Variants in ZMYM4 observed in about 807,000 individuals in gnomAD.
The protein encoded by ZMYM4 is zinc finger MYM-type protein 4.
A neutral mutation model predicts 183.2 loss-of-function variants in ZMYM4; 31 were observed. The ratio of observed to expected loss-of-function variants is 0.17; its 90% CI spans 0.13 to 0.23. ZMYM4 has a LOEUF of 0.23. ZMYM4 is among the 10% of genes least tolerant of loss of function. The probability of loss-of-function intolerance (pLI) is 1.00; values close to 1 mark genes in which losing one functional copy is unlikely to be tolerated. For missense variants in ZMYM4, 1,273 were observed against 1,840.3 expected, an observed-to-expected ratio of 0.69 and a Z score of 5.64; for synonymous variants, 592 against 631.2, an observed-to-expected ratio of 0.94 and a Z score of 0.93.
intron 5 of ZMYM4, among the ~76,000 whole-genome samples, chr1:35,367,543 A>G (rs1272432679): frequency 4.6e-5 from 7 of 152,178 alleles, no homozygotes; most frequent in South Asian, 2.1e-4. Context: ...GTATCCTACA[A>G]TTAGTTTCGT....
intron 1 of ZMYM4, among the ~76,000 whole-genome samples, chr1:35,280,132 C>T (rs1313022055): frequency 6.8e-6 from 1 of 147,392 alleles, no homozygotes; most frequent in East Asian, 2.0e-4. Flanking sequence ...CTTTCTTTGT[C>T]TCTCTCTCTC....
At chr1:35,308,749 T>TA (rs750915444) in intron 1 of ZMYM4, among the ~76,000 whole-genome samples, 12 of 152,116 alleles carry the variant, frequency 7.9e-5, no homozygotes, top group Non-Finnish European at 1.8e-4. Context: ...TAGTCCCAGC[T>TA]ACTCAGGAGG....
At chr1:35,301,738 C>G (rs969772643) in intron 1 of ZMYM4, among the ~76,000 whole-genome samples, 6 of 152,148 alleles carry the variant, frequency 3.9e-5, no homozygotes, top group African/African-American at 1.4e-4. Context: ...CTCTGCAGAT[C>G]TCTGAACTTC....
At chr1:35,369,996 C>T in intron 5 of ZMYM4, 33 bp from the exon 6 acceptor site, 1 of 1,485,510 alleles carries the variant, frequency 6.7e-7, no homozygotes, top group Non-Finnish European at 9.3e-7. Flanking sequence ...ATTCTTTTCT[C>T]TATGTATTTA....
chr1:35,408,966 T>A (rs1264530770), intron 26 of ZMYM4, among the ~76,000 whole-genome samples: 1 of 152,190 alleles, frequency 6.6e-6, no homozygotes, highest in Non-Finnish European at 1.5e-5. Context: ...CTGGCAACCA[T>A]AAATCTGCTT....
At chr1:35,288,984 G>C (rs758229852) in intron 1 of ZMYM4, among the ~76,000 whole-genome samples, 3 of 152,148 alleles carry the variant, frequency 2.0e-5, no homozygotes, top group Non-Finnish European at 4.4e-5. Context: ...AAATATTTAG[G>C]ACATGTGTCA....
At chr1:35,370,709 G>C (rs1368886989) in intron 7 of ZMYM4, 82 bp downstream of exon 7, 1 of 492,532 alleles carries the variant, frequency 2.0e-6, no homozygotes. Context: ...TATTACATTT[G>C]ATATTCTACA....
intron 18 of ZMYM4, among the ~76,000 whole-genome samples, chr1:35,395,871 C>T (rs182241907): frequency 5.3e-5 from 8 of 152,292 alleles, no homozygotes; most frequent in Admixed American, 2.0e-4. Context: ...ATTGAACCAT[C>T]GTTAAGTTGG....
At chr1:35,406,449 G>C (rs1645004238) in intron 25 of ZMYM4, among the ~76,000 whole-genome samples, 1 of 152,086 alleles carries the variant, frequency 6.6e-6, no homozygotes, top group African/African-American at 2.4e-5. Flanking sequence ...AAGCCCAAGA[G>C]TTCTGAGGCT....
Position 35,271,790 on chromosome 1 carries a change from G to A in ZMYM4, c.39+2705G>A, listed in dbSNP as rs61776863. On this transcript the variant is annotated intron_variant, in intron 1 of 29. Coordinates refer to ENST00000314607, the MANE Select transcript of ZMYM4 (RefSeq NM_005095.3). ...TTATTTTGCCAGTTTCATCACAGAG[G>A]AAAATTACATTCATTGATTTTTGGA... Among the ~76,000 whole-genome samples the A allele has an allele frequency of 4.3e-3, 657 of 152,246 alleles. 3 individuals carry two copies. The highest frequency in any genetic ancestry group is 7.4e-3 in the Non-Finnish European group (503 of 68,020).
chr1:35,346,852 T>G (rs1643415417), intron 2 of ZMYM4, among the ~76,000 whole-genome samples: 1 of 152,158 alleles, frequency 6.6e-6, no homozygotes, highest in African/African-American at 2.4e-5. Flanking sequence ...ATAGTAAATA[T>G]TTAAGCTTTC....
chr1:35,292,259 A>G (rs1640797948), intron 1 of ZMYM4: 1 of 152,114 alleles, frequency 6.6e-6, no homozygotes, highest in Admixed American at 6.5e-5. Flanking sequence ...GCGCGACCCC[A>G]CTACTGATCA....
intron 2 of ZMYM4, among the ~76,000 whole-genome samples, chr1:35,332,536 A>T (rs1275519618): frequency 6.6e-6 from 1 of 151,970 alleles, no homozygotes; most frequent in African/African-American, 2.4e-5. Flanking sequence ...GCCTTGCCTA[A>T]CAGGACTCAA....
chr1:35,348,528 C>T (rs562622284), intron 2 of ZMYM4, among the ~76,000 whole-genome samples: 7 of 152,296 alleles, frequency 4.6e-5, no homozygotes, highest in South Asian at 2.1e-4. Context: ...GTTATTATCT[C>T]GTTCTCATGC....
In ZMYM4 at chr1:35,373,998, C is replaced by T. The variant is rs74849180; in HGVS notation, c.1181+3371C>T. Reference sequence around the variant, plus strand: ...TATCCTGTCTCTAATTTCTGTATTCCAGTATGTTCATCATGGGATTCTTTT... The same window carrying T: ...TATCCTGTCTCTAATTTCTGTATTCTAGTATGTTCATCATGGGATTCTTTT... On this transcript the variant is annotated intron_variant, in intron 7 of 29. Coordinates refer to ENST00000314607, the MANE Select transcript of ZMYM4 (RefSeq NM_005095.3). Among the ~76,000 whole-genome samples the T allele has an allele frequency of 2.2e-4, 32 of 147,528 alleles. 1 individual carries two copies. In the East Asian group the frequency reaches 5.3e-3, roughly 25 times the overall value.
Position 35,370,522 on chromosome 1 carries a change from G to T in ZMYM4, c.1076G>T (p.Gly359Val). 3 of 1,612,980 alleles carry T rather than the reference G, an allele frequency of 1.9e-6. No homozygotes were observed. Among genetic ancestry groups the T allele is most frequent in the Non-Finnish European group, 2.5e-6 (3 of 1,179,734 alleles). Residue 359 changes from glycine to valine, a missense_variant, in exon 7 of 30, where the codon GGG becomes GTG. Gly to Val is a moderately radical substitution (Grantham distance 109). Transcript: ENST00000314607. Reference protein sequence around the residue: ...QKGQTAYQRKGSTQLFCSTLC... With the variant: ...QKGQTAYQRKVSTQLFCSTLC... The stretch of plus-strand genomic sequence containing the variant: ...GGGCAAACTGCTTATCAGAGGAAAG[G>T]GTCTACTCAGCTATTCTGCTCCACA...
At chr1:35,393,179 T>C (rs748891746) in intron 17 of ZMYM4, among the ~76,000 whole-genome samples, 120 of 152,224 alleles carry the variant, frequency 7.9e-4, no homozygotes, top group Non-Finnish European at 1.2e-3. Flanking sequence ...GTTTCTGGGA[T>C]AACTTTCACG....
In ZMYM4 at chr1:35,370,034, T is replaced by C; in HGVS notation, c.846T>C (p.Tyr282=). Residue 282 remains tyrosine, a synonymous_variant, in exon 6 of 30, where the codon TAT becomes TAC. Coordinates refer to ENST00000314607, the MANE Select transcript of ZMYM4 (RefSeq NM_005095.3). ...TATTTTTTTCTTCTTTAAAGGAGTA[T>C]AGTCATGGCCAACAGCAAAAAACTC... ...IKDEPDNAQE[Y]SHGQQQKTQE... is the part of the protein sequence containing the mutation. The C allele has an allele frequency of 6.2e-7, 1 of 1,612,024 alleles. No homozygotes were observed.
intron 24 of ZMYM4, 86 bp downstream of exon 24, chr1:35,405,280 A>C: frequency 6.4e-7 from 1 of 1,574,564 alleles, no homozygotes; most frequent in Non-Finnish European, 8.6e-7. Context: ...TTTTAGGTCA[A>C]AAACCCCATA....
Sources: allele counts gnomAD v4.1 joint callset (sites outside exome capture counted in the v4.1 genomes callset), GRCh38; gene constraint gnomAD v4.1.1; transcripts MANE v1.5; gene names NCBI Gene and HGNC (gene_info 2026-07-23, HGNC 2026-07-21).